LPIN2: variants seen among roughly 807,000 people sequenced by gnomAD.
LPIN2 encodes the protein lipin 2, also known as phosphatidate phosphatase LPIN2.
Under a neutral mutation model 111.4 loss-of-function variants are expected in LPIN2, and 55 were observed. That is an observed-to-expected ratio of 0.49 (90% confidence interval 0.40 to 0.62). LPIN2 has a LOEUF of 0.62. Among genes scored for constraint, LPIN2 ranks in the 20% least tolerant of loss-of-function variants. The pLI is 0.00. For missense variants in LPIN2, 992 were observed against 1,112.1 expected (o/e 0.89, Z 1.54); for synonymous variants, 425 against 414.0 (o/e 1.03, Z -0.32).
At chr18:2,924,620 A>T in intron 14 of LPIN2, 74 bp from the exon 15 acceptor site, 1 of 1,495,276 alleles carries the variant, frequency 6.7e-7, no homozygotes, top group Non-Finnish European at 9.3e-7. Context: ...TTTACAGAAC[A>T]ACTGGTGTCT....
At chr18:2,970,953 T>C (rs1259613450) in intron 1 of LPIN2, among the ~76,000 whole-genome samples, 3 of 152,194 alleles carry the variant, frequency 2.0e-5, no homozygotes, top group Admixed American at 6.5e-5. Context: ...AACTGCTTTG[T>C]TGGACTGAGT....
Position 2,937,861 on chromosome 18 carries a change from A to AC in LPIN2, c.998dup (p.Thr334TyrfsTer18). 6.2e-7 allele frequency: 1 copy of AC among 1,614,104 alleles called. No homozygotes were observed. The highest frequency in any genetic ancestry group is 8.5e-7 in the Non-Finnish European group (1 of 1,180,032). On this transcript the variant is annotated frameshift_variant, in exon 7 of 20. Coordinates refer to ENST00000677752, the MANE Select transcript of LPIN2 (RefSeq NM_001375808.2). LOFTEE classifies it high-confidence loss of function. ...CAGATGTTGGGTCGCTCATCTGTGT[A>AC]CCCAGGGCTCTGGGTTTGGGCTTCA... is the stretch of plus-strand genomic sequence containing the variant.
chr18:2,922,951 T>C (rs1483479350), intron 16 of LPIN2, among the ~76,000 whole-genome samples: 2 of 152,222 alleles, frequency 1.3e-5, no homozygotes, highest in African/African-American at 2.4e-5. Context: ...TTTCATATTA[T>C]GGTATTCTCA....
chr18:2,987,221 T>A (rs1379373778), intron 1 of LPIN2, among the ~76,000 whole-genome samples: 1 of 152,164 alleles, frequency 6.6e-6, no homozygotes, highest in Non-Finnish European at 1.5e-5. Flanking sequence ...TTTAATCTTT[T>A]CAGAAACAAA....
chr18:2,948,812 T>G (rs565112281), intron 4 of LPIN2, among the ~76,000 whole-genome samples: 1 of 151,522 alleles, frequency 6.6e-6, no homozygotes, highest in Admixed American at 6.6e-5. Context: ...AAATTGTTTA[T>G]AATTTTTTTT....
chr18:3,005,730 A>C (rs1182242666), intron 1 of LPIN2, among the ~76,000 whole-genome samples: 3 of 151,224 alleles, frequency 2.0e-5, no homozygotes, highest in African/African-American at 7.3e-5. Context: ...CTACCTAATA[A>C]ACGTAACAAC....
intron 1 of LPIN2, among the ~76,000 whole-genome samples, chr18:2,990,490 C>A (rs560196860): frequency 3.7e-4 from 56 of 152,286 alleles, no homozygotes; most frequent in Non-Finnish European, 6.0e-4. Flanking sequence ...ATAAACCCTT[C>A]TTCAAAGAAG....
At position 2,950,912 on chromosome 18, in the gene LPIN2, T is replaced by C. The variant is rs936062582; in HGVS notation, c.590+143A>G. 2.7e-5 allele frequency: 22 copies of C among 830,164 alleles called. No homozygotes were observed. The African/African-American group carries it at 3.0e-4, about 11-fold the overall frequency. The allele number at this position is 830,164 out of a possible 1,614,324, so 51.4% of individuals were successfully genotyped here. ...TTGAAAGGAACAAAGAAACTGCCTT[T>C]GCTGCTTGATTCCACAATAAACTGT... On this transcript the variant is annotated intron_variant, in intron 4 of 19. Transcript: ENST00000677752.
At position 2,938,002 on chromosome 18, in the gene LPIN2, C is replaced by T. The variant is rs548077620; in HGVS notation, c.858G>A (p.Arg286=). 3.5e-5 allele frequency: 56 copies of T among 1,613,994 alleles called. No homozygotes were observed. In the South Asian group the frequency reaches 5.9e-4, roughly 17 times the overall value. ...SKRERSDHHP[R]TATITPSENT... ...TTTCTGATGGTGTAATTGTAGCTGT[C>T]CTAGGATGATGGTCAGATCGTTCTC... Residue 286 remains arginine, a synonymous_variant, in exon 7 of 20, where the codon AGG becomes AGA. Coordinates refer to ENST00000677752, the MANE Select transcript of LPIN2 (RefSeq NM_001375808.2).
At chr18:2,976,293 A>G (rs2078014129) in intron 1 of LPIN2, among the ~76,000 whole-genome samples, 1 of 152,234 alleles carries the variant, frequency 6.6e-6, no homozygotes, top group African/African-American at 2.4e-5. Flanking sequence ...GGTAAGAACC[A>G]GCCAGATGGA....
Position 2,917,808 on chromosome 18 carries a change from G to C in LPIN2, c.*2485C>G, listed in dbSNP as rs1451379963. The C allele has an allele frequency of 6.6e-6, 1 of 152,148 alleles. No individual in the cohort carries two copies. The highest frequency in any genetic ancestry group is 1.5e-5 in the Non-Finnish European group (1 of 68,030). 9.4% of individuals were successfully genotyped at this position (152,148 alleles called of 1,614,324 possible). ...TTAGACTGAACTGCAAAGAGGGAAAGGGCCATTTCACCAATGGAGTAACTG... is the reference window on the plus strand; with the variant it reads ...TTAGACTGAACTGCAAAGAGGGAAACGGCCATTTCACCAATGGAGTAACTG... On this transcript the variant is annotated 3_prime_UTR_variant, in exon 20 of 20. Transcript: ENST00000677752.
intron 1 of LPIN2, among the ~76,000 whole-genome samples, chr18:2,965,495 G>A (rs770733982): frequency 8.5e-5 from 13 of 152,102 alleles, no homozygotes; most frequent in Non-Finnish European, 1.5e-4. Context: ...TTGGGAGGCC[G>A]AGGCAGGTAG....
At chr18:2,956,311 G>GGGGTGTGTGTGT (rs537302837) in intron 2 of LPIN2, among the ~76,000 whole-genome samples, 6 of 144,050 alleles carry the variant, frequency 4.2e-5, no homozygotes, top group Admixed American at 1.4e-4. Context: ...TAGATGCAGG[G>GGGGTGTGTGTGT]GTGTGTGTGT....
rs115908876 is a variant in LPIN2 at position 2,929,543 on chromosome 18, C to T, written c.1457-385G>A. On this transcript the variant is annotated intron_variant, in intron 9 of 19. Coordinates refer to ENST00000677752, the MANE Select transcript of LPIN2 (RefSeq NM_001375808.2). ...AGGAAGAAACTTTACTGACAGGCAA[C>T]GGCATAACTGGGGAATATTCATAGG... is the stretch of plus-strand genomic sequence containing the variant. 7.2e-5 allele frequency among the ~76,000 whole-genome samples: 11 copies of T among 152,274 alleles called. No homozygotes were observed. In the South Asian group the frequency reaches 1.0e-3, roughly 14 times the overall value.
In LPIN2 at chr18:2,943,608, A is replaced by G. The variant is rs2077399884; in HGVS notation, c.591-2896T>C. Among the ~76,000 whole-genome samples, 3 of 152,238 alleles carry G rather than the reference A, an allele frequency of 2.0e-5. No individual in the cohort carries two copies. The South Asian group carries it at 6.2e-4, about 31-fold the overall frequency. The stretch of plus-strand genomic sequence containing the variant: ...GTATTAACAAAAAGGCATATTAATC[A>G]TTACCTTTAATCAAACTAAGTATCA... On this transcript the variant is annotated intron_variant, in intron 4 of 19. Transcript: ENST00000677752.
At chr18:2,988,599 T>C (rs891968027) in intron 1 of LPIN2, among the ~76,000 whole-genome samples, 5 of 152,176 alleles carry the variant, frequency 3.3e-5, no homozygotes, top group Admixed American at 1.3e-4. Context: ...AATTGCAATC[T>C]CCAGTGAGGG....
At chr18:2,951,391 A>G (rs781131412) in intron 3 of LPIN2, 35 bp from the exon 4 acceptor site, 4 of 1,540,526 alleles carry the variant, frequency 2.6e-6, no homozygotes, top group Middle Eastern at 1.7e-4. Flanking sequence ...GTTATCCATG[A>G]CAAACTCGAC....
At chr18:2,981,308 A>C (rs1055470973) in intron 1 of LPIN2, among the ~76,000 whole-genome samples, 1 of 152,258 alleles carries the variant, frequency 6.6e-6, no homozygotes, top group Non-Finnish European at 1.5e-5. Context: ...GCTACTAAGC[A>C]GATATCAGAT....
intron 1 of LPIN2, among the ~76,000 whole-genome samples, chr18:2,992,460 T>G (rs578258920): frequency 6.6e-6 from 1 of 152,138 alleles, no homozygotes; most frequent in Non-Finnish European, 1.5e-5. Context: ...ATGAAAAATT[T>G]TGGAAATAGC....
Sources: gnomAD v4.1 joint callset for allele counts (sites outside exome capture counted in the v4.1 genomes callset) on GRCh38, gnomAD v4.1.1 for gene constraint, MANE v1.5 for transcripts, NCBI Gene and HGNC (gene_info 2026-07-23, HGNC 2026-07-21) for gene names.